CCDC142: variants seen among roughly 807,000 people sequenced by gnomAD.
The protein encoded by CCDC142 is coiled-coil domain containing 142.
CCDC142 carries 67 observed loss-of-function variants against 83.8 expected under a neutral mutation model. The ratio of observed to expected loss-of-function variants is 0.80; its 90% CI spans 0.66 to 0.98. The LOEUF (loss-of-function observed/expected upper bound fraction) is 0.98. Ranked by LOEUF, CCDC142 falls within the 50% of genes least tolerant of loss-of-function variation. CCDC142 has a pLI of 0.00. For missense variants in CCDC142, 905 were observed against 946.8 expected (o/e 0.96, Z 0.58); for synonymous variants, 421 against 421.2 (o/e 1.00, Z 0.01).
At position 74,472,996 on chromosome 2, in the gene CCDC142, T is replaced by A; in HGVS notation, c.*1550A>T. 2.6e-6 allele frequency: 1 copy of A among 383,880 alleles called. No homozygotes were observed. The highest frequency in any genetic ancestry group is 4.9e-6 in the Non-Finnish European group (1 of 205,496). The allele number at this position is 383,880 out of a possible 1,614,324, so 23.8% of individuals were successfully genotyped here. On this transcript the variant is annotated 3_prime_UTR_variant, in exon 9 of 9. Transcript: ENST00000393965. The stretch of plus-strand genomic sequence containing the variant: ...CTGCAGCCTTTCCCCTTCTGTACCC[T>A]GCTGGGCCACATCTAGGCTAACTCG...
At position 74,481,475 on chromosome 2, in the gene CCDC142, G is replaced by A. The variant is rs1328958100; in HGVS notation, c.1085C>T (p.Ser362Leu). 1.2e-6 allele frequency: 2 copies of A among 1,614,078 alleles called. No homozygotes were observed. The highest frequency in any genetic ancestry group is 2.2e-5 in the South Asian group (2 of 91,028). Residue 362 changes from serine (S) to leucine (L), a missense_variant, in exon 2 of 9, where the codon TCG (serine) becomes TTG (leucine). Coordinates refer to ENST00000393965, the MANE Select transcript of CCDC142 (RefSeq NM_001365575.2). ...ACCTTGGTCCCAGCTCCAGATAAGC[G>A]ACTGATGAAGTAGTCTGTGACACAA... is the stretch of plus-strand genomic sequence containing the variant. ...ASLCHRLLHQ[S>L]LIWSWDQGFC... is the part of the protein sequence containing the mutation.
rs147045106 is a variant in CCDC142 at position 74,481,883 on chromosome 2, G to A, written c.955C>T (p.Leu319=). Residue 319 remains leucine (L), a synonymous_variant, in exon 1 of 9, where the codon CTA becomes TTA. Coordinates refer to ENST00000393965, the MANE Select transcript of CCDC142 (RefSeq NM_001365575.2). ...LWAACAQSLD[L]NLGPWRDPRA... is the part of the protein sequence containing the mutation. ...GGGTCCCTCCAGGGTCCCAGATTTAGGTCCAGACTCTGAGCACAGGCTGCC... is the reference window on the plus strand; with the variant it reads ...GGGTCCCTCCAGGGTCCCAGATTTAAGTCCAGACTCTGAGCACAGGCTGCC... The A allele has an allele frequency of 1.7e-4, 277 of 1,614,164 alleles. 1 individual carries two copies. The African/African-American group carries it at 2.9e-3, about 17-fold the overall frequency.
chr2:74,481,042 A>G lies in CCDC142; in HGVS notation c.1303T>C (p.Leu435=). Residue 435 remains leucine, a synonymous_variant, in exon 4 of 9, where the codon TTG becomes CTG. Coordinates refer to ENST00000393965, the MANE Select transcript of CCDC142 (RefSeq NM_001365575.2). ...ALGLCTLQTT[L]LWFLGRAQQY... ...TGAGCTCTGCCCAGGAACCAGAGCA[A>G]GGTGGTCTGAAGGGTACAGAGACCT... 1 of 1,614,106 alleles carries G rather than the reference A, an allele frequency of 6.2e-7. No individual in the cohort carries two copies. The highest frequency in any genetic ancestry group is 8.5e-7 in the Non-Finnish European group (1 of 1,180,016).
Position 74,473,568 on chromosome 2 carries a change from A to G in CCDC142, c.*978T>C, listed in dbSNP as rs2104002751. 6.6e-6 allele frequency among the ~76,000 whole-genome samples: 1 copy of G among 151,984 alleles called. No individual in the cohort carries two copies. ...ATCGGACCTCGTGATCCGCCCCTCT[A>G]GGCCTCCCAAAGTGCTGGGATTACA... On this transcript the variant is annotated 3_prime_UTR_variant, in exon 9 of 9. Coordinates refer to ENST00000393965, the MANE Select transcript of CCDC142 (RefSeq NM_001365575.2).
chr2:74,475,316 G>T lies in CCDC142; in HGVS notation c.1705C>A (p.Pro569Thr), dbSNP rs1672297483. The change falls in exon 7 of 9, where the codon CCT becomes ACT. Residue 569 changes from proline to threonine, a missense_variant. Pro to Thr is a conservative substitution (Grantham distance 38). Transcript: ENST00000393965. ...CCAAGGGCAGGGGCCTGGGCTTGAG[G>T]TGGCAACCCTTGCAATCCTTGCAAC... The part of the protein sequence containing the change: ...PVLQGLQGLP[P>T]QAQAPALGQA... 6.2e-7 allele frequency: 1 copy of T among 1,614,034 alleles called. No individual in the cohort carries two copies. The highest frequency in any genetic ancestry group is 8.5e-7 in the Non-Finnish European group (1 of 1,179,918).
intron 5 of CCDC142, among the ~76,000 whole-genome samples, chr2:74,477,016 C>A (rs1351015658): frequency 5.3e-5 from 8 of 152,188 alleles, no homozygotes. Context: ...TTGTTAGGAG[C>A]CTCTGTACTC....
At position 74,482,611 on chromosome 2, in the gene CCDC142, C is replaced by A. The variant is rs766542218; in HGVS notation, c.227G>T (p.Arg76Leu). 4.4e-6 allele frequency: 7 copies of A among 1,607,348 alleles called. No homozygotes were observed. In the South Asian group the frequency reaches 7.7e-5, roughly 18 times the overall value. Residue 76 changes from arginine (R) to leucine (L), a missense_variant, in exon 1 of 9, where the codon CGG (arginine) becomes CTG (leucine). By Grantham distance (102) the Arg-to-Leu change is moderately radical. Around this residue, in one of 3 missense-constraint regions of CCDC142, gnomAD observed 591 missense variants for 571.4 expected, o/e 1.03. Transcript: ENST00000393965. This position sits in a 1 kb window ranked among gnomAD's most constrained non-coding sequence, Gnocchi z 5.0. ...DYEADAAAWR[R>L]GPAGGGPIPP... ...GATCGGGCCGCCACCTGCGGGCCCCCGCCTCCAGGCCGCAGCATCAGCCTC... is the reference window on the plus strand; with the variant it reads ...GATCGGGCCGCCACCTGCGGGCCCCAGCCTCCAGGCCGCAGCATCAGCCTC...
At position 74,481,848 on chromosome 2, in the gene CCDC142, T is replaced by C; in HGVS notation, c.990A>G (p.Thr330=). Residue 330 remains threonine, a synonymous_variant, in exon 1 of 9, where the codon ACA becomes ACG. Coordinates refer to ENST00000393965, the MANE Select transcript of CCDC142 (RefSeq NM_001365575.2). ...CCAGTGCCTGACTCAGCTGTTGCGCTGTTGCCCTGGGGTCCCTCCAGGGTC... is the reference window on the plus strand; with the variant it reads ...CCAGTGCCTGACTCAGCTGTTGCGCCGTTGCCCTGGGGTCCCTCCAGGGTC... ...NLGPWRDPRA[T]AQQLSQALGQ... 1 of 1,613,884 alleles carries C rather than the reference T, an allele frequency of 6.2e-7. No individual in the cohort carries two copies. The highest frequency in any genetic ancestry group is 8.5e-7 in the Non-Finnish European group (1 of 1,179,830).
At position 74,482,493 on chromosome 2, in the gene CCDC142, T is replaced by C. The variant is rs1672550373; in HGVS notation, c.345A>G (p.Leu115=). Residue 115 remains leucine, a synonymous_variant, in exon 1 of 9, where the codon CTA becomes CTG. Transcript: ENST00000393965. The surrounding 1 kb of genome is among the most constrained non-coding windows in gnomAD (Gnocchi z 5.0). ...TCTTCATGAGTCGCACAGCCGACTG[T>C]AGGTGGTAGGCGCAGTCTCGGGCCT... ...LLQARDCAYH[L]QSAVRLMKTL... is the part of the protein sequence containing the mutation. The C allele has an allele frequency of 1.3e-6, 2 of 1,558,234 alleles. No homozygotes were observed. Among genetic ancestry groups the C allele is most frequent in the East Asian group, 4.8e-5 (2 of 41,342 alleles).
rs1672294845 is a variant in CCDC142, at chr2:74,475,245, A to G, written c.1776T>C (p.Leu592=). 6 of 1,614,192 alleles carry G rather than the reference A, an allele frequency of 3.7e-6. No homozygotes were observed. Among genetic ancestry groups the G allele is most frequent in the Non-Finnish European group, 5.1e-6 (6 of 1,180,022 alleles). ...AIVGAWLDHI[L]THGIRFSLQG... is the part of the protein sequence containing the mutation. ...CTGACCTGAACCGAATCCCATGGGT[A>G]AGAATGTGGTCAAGCCAGGCACCCA... Residue 592 remains leucine, a synonymous_variant, in exon 7 of 9, where the codon CTT becomes CTC. Coordinates refer to ENST00000393965, the MANE Select transcript of CCDC142 (RefSeq NM_001365575.2).
In CCDC142 at chr2:74,482,136, A is replaced by C. The variant is rs754463562; in HGVS notation, c.702T>G (p.Arg234=). Residue 234 remains arginine (R), a synonymous_variant, in exon 1 of 9, where the codon CGT becomes CGG. Coordinates refer to ENST00000393965, the MANE Select transcript of CCDC142 (RefSeq NM_001365575.2). The surrounding 1 kb of genome is among the most constrained non-coding windows in gnomAD (Gnocchi z 5.0). ...PGAARPFPTS[R]VLRLLTGERG... Reference sequence around the variant, plus strand: ...GCTCCCCCGTCAAGAGGCGGAGCACACGGGACGTGGGGAAAGGACGTGCGG... The same window carrying C: ...GCTCCCCCGTCAAGAGGCGGAGCACCCGGGACGTGGGGAAAGGACGTGCGG... The C allele has an allele frequency of 1.1e-5, 18 of 1,613,572 alleles. No homozygotes were observed. Among genetic ancestry groups the C allele is most frequent in the Non-Finnish European group, 7.6e-6 (9 of 1,179,958 alleles).
At position 74,480,811 on chromosome 2, in the gene CCDC142, C is replaced by T; in HGVS notation, c.1461G>A (p.Gln487=). 1.9e-6 allele frequency: 3 copies of T among 1,613,840 alleles called. No individual in the cohort carries two copies. The South Asian group carries it at 3.3e-5, about 18-fold the overall frequency. Residue 487 remains glutamine, a synonymous_variant, in exon 5 of 9, where the codon CAG becomes CAA. Transcript: ENST00000393965. ...SEESLALEVE[Q]QLGLEIQKLT... Reference sequence around the variant, plus strand: ...GCTTCTGGATCTCCAGGCCCAGCTGCTGCTCCACTTCCAGAGCTAAGCTTT... The same window carrying T: ...GCTTCTGGATCTCCAGGCCCAGCTGTTGCTCCACTTCCAGAGCTAAGCTTT...
intron 5 of CCDC142, among the ~76,000 whole-genome samples, chr2:74,476,110 A>T (rs1672320094): frequency 7.0e-6 from 1 of 142,120 alleles, no homozygotes; most frequent in African/African-American, 2.7e-5. Flanking sequence ...CACAGAGCAT[A>T]TGCCAGAAAG....
rs1672568823 is a variant in CCDC142 at position 74,482,661 on chromosome 2, C to T, written c.177G>A (p.Thr59=). ...GTSGGTPWWP[T]PADVSEDYEA... is the part of the protein sequence containing the mutation. ...CGTAGTCCTCGCTCACATCCGCCGG[C>T]GTCGGCCACCACGGCGTCCCTCCAG... The change falls in exon 1 of 9, where the codon ACG becomes ACA. Residue 59 remains threonine (T), a synonymous_variant. Coordinates refer to ENST00000393965, the MANE Select transcript of CCDC142 (RefSeq NM_001365575.2). This position sits in a 1 kb window ranked among gnomAD's most constrained non-coding sequence, Gnocchi z 5.0. 2 of 1,611,412 alleles carry T rather than the reference C, an allele frequency of 1.2e-6. No homozygotes were observed. The highest frequency in any genetic ancestry group is 1.7e-6 in the Non-Finnish European group (2 of 1,179,934).
At chr2:74,478,962 G>T (rs546556409) in intron 5 of CCDC142, among the ~76,000 whole-genome samples, 2 of 150,786 alleles carry the variant, frequency 1.3e-5, no homozygotes, top group African/African-American at 4.9e-5. Context: ...AGAGGTGGAG[G>T]TTGCAGTGAG....
At chr2:74,476,763 G>A (rs1279930067) in intron 5 of CCDC142, among the ~76,000 whole-genome samples, 1 of 152,224 alleles carries the variant, frequency 6.6e-6, no homozygotes, top group Non-Finnish European at 1.5e-5. Flanking sequence ...AGCCCATCTT[G>A]AGGGAGAGGA....
In CCDC142 at chr2:74,482,045, G is replaced by A. The variant is rs1310958317; in HGVS notation, c.793C>T (p.Arg265Cys). The A allele has an allele frequency of 6.2e-7, 1 of 1,613,456 alleles. No homozygotes were observed. Among genetic ancestry groups the A allele is most frequent in the Non-Finnish European group, 8.5e-7 (1 of 1,179,956 alleles). Residue 265 changes from arginine to cysteine, a missense_variant, in exon 1 of 9, where the codon CGC becomes TGC. Around this residue, in one of 3 missense-constraint regions of CCDC142, gnomAD observed 591 missense variants for 571.4 expected, o/e 1.03. Transcript: ENST00000393965. This position sits in a 1 kb window ranked among gnomAD's most constrained non-coding sequence, Gnocchi z 5.0. Reference protein sequence around the residue: ...LQGSALRDQLRRRCQEEGDLL... With the variant: ...LQGSALRDQLCRRCQEEGDLL... ...TCCCCCTCCTCTTGGCACCGCCTGC[G>A]GAGCTGGTCCCTCAACGCCGATCCT...
intron 5 of CCDC142, among the ~76,000 whole-genome samples, chr2:74,477,972 G>A (rs1355068570): frequency 4.1e-5 from 6 of 146,266 alleles, no homozygotes; most frequent in South Asian, 2.1e-4. Context: ...GCTATGTCAC[G>A]AGCCAAACTT....
chr2:74,478,538 G>A (rs1672377891), intron 5 of CCDC142, among the ~76,000 whole-genome samples: 4 of 151,596 alleles, frequency 2.6e-5, no homozygotes, highest in Admixed American at 1.3e-4. Context: ...CACCATACCG[G>A]CTACTTTTTT....
Sources: gnomAD v4.1 joint callset for allele counts (sites outside exome capture counted in the v4.1 genomes callset) on GRCh38, gnomAD v4.1.1 for gene constraint, gnomAD v4.1.1 regional missense constraint, Gnocchi (gnomAD v3.1) non-coding constraint, MANE v1.5 for transcripts, NCBI Gene and HGNC (gene_info 2026-07-23, HGNC 2026-07-21) for gene names.